Variants in REEP3 observed in about 807,000 individuals in gnomAD.
REEP3 encodes the protein receptor accessory protein 3.
REEP3 carries 20 observed loss-of-function variants against 41.3 expected under a neutral mutation model. That is an observed-to-expected ratio of 0.48 (90% CI 0.34 to 0.70). REEP3 has a LOEUF of 0.70. Ranked by LOEUF, REEP3 falls within the 30% of genes least tolerant of loss-of-function variation. The pLI, the probability that REEP3 is intolerant of heterozygous loss-of-function variation, is 0.01. For synonymous variants in REEP3, 104 were observed against 101.8 expected (o/e 1.02, Z -0.13); for missense variants, 271 against 308.8 (o/e 0.88, Z 0.92).
intron 6 of REEP3, among the ~76,000 whole-genome samples, chr10:63,613,715 A>G (rs1956292823): frequency 6.6e-6 from 1 of 152,216 alleles, no homozygotes; most frequent in African/African-American, 2.4e-5. Flanking sequence ...TTGGTGGAGG[A>G]AAGACAGATT....
chr10:63,601,690 AG>A (rs1956173056), intron 5 of REEP3, among the ~76,000 whole-genome samples: 1 of 152,136 alleles, frequency 6.6e-6, no homozygotes, highest in African/African-American at 2.4e-5. Context: ...AGGCCGAGGT[AG>A]GTGGATCACC....
rs529880478 is a variant in REEP3 at position 63,578,175 on chromosome 10, G to C, written c.105+11765G>C. Among the ~76,000 whole-genome samples, 8 of 152,128 alleles carry C rather than the reference G, an allele frequency of 5.3e-5. No individual in the cohort carries two copies. In the East Asian group the frequency reaches 5.8e-4, roughly 11 times the overall value. ...AGTGCAATGGTGTGATCTCAGCTCA[G>C]TGCAACCTCCACCTCGCAGGTTCAA... On this transcript the variant is annotated intron_variant, in intron 2 of 7. Transcript: ENST00000373758.
intron 2 of REEP3, among the ~76,000 whole-genome samples, chr10:63,575,089 C>T (rs1955887007): frequency 6.6e-6 from 1 of 152,056 alleles, no homozygotes. Context: ...CTCCTGACCT[C>T]ATGATCTGCC....
intron 2 of REEP3, among the ~76,000 whole-genome samples, chr10:63,579,902 C>A (rs1033797298): frequency 1.3e-5 from 2 of 152,202 alleles, no homozygotes; most frequent in Non-Finnish European, 2.9e-5. Flanking sequence ...ACCACCCTCA[C>A]TGCAGGGAGA....
At chr10:63,556,293 T>TG (rs1255282981) in intron 1 of REEP3, among the ~76,000 whole-genome samples, 2 of 151,850 alleles carry the variant, frequency 1.3e-5, no homozygotes, top group East Asian at 3.9e-4. Flanking sequence ...TTTTTTTTTT[T>TG]GTATCTTTAG....
chr10:63,597,678 G>A (rs7895549), intron 3 of REEP3, among the ~76,000 whole-genome samples: 75,534 of 152,010 alleles, frequency 0.5, 18,926 homozygotes, highest in South Asian at 0.54. Flanking sequence ...TTGGGAGGCC[G>A]AGGTGGGCGG....
intron 2 of REEP3, among the ~76,000 whole-genome samples, chr10:63,590,740 C>T (rs571785088): frequency 1.3e-5 from 2 of 152,208 alleles, no homozygotes; most frequent in East Asian, 3.9e-4. Context: ...TTGGGTATAG[C>T]TTTCTCATTA....
At chr10:63,588,817 G>A (rs1394735554) in intron 2 of REEP3, among the ~76,000 whole-genome samples, 1 of 152,212 alleles carries the variant, frequency 6.6e-6, no homozygotes, top group Non-Finnish European at 1.5e-5. Context: ...GTCAGGAAAC[G>A]CCTCTCTGAT....
chr10:63,588,378 C>T (rs183589778), intron 2 of REEP3, among the ~76,000 whole-genome samples: 21 of 152,178 alleles, frequency 1.4e-4, no homozygotes, highest in Admixed American at 8.5e-4. Flanking sequence ...TCCAGTATAA[C>T]GTTAAATCCT....
At chr10:63,613,430 G>A (rs990888780) in intron 6 of REEP3, among the ~76,000 whole-genome samples, 1 of 152,204 alleles carries the variant, frequency 6.6e-6, no homozygotes, top group African/African-American at 2.4e-5. Context: ...TGTGGTAGCA[G>A]TATAAGAAAG....
In REEP3 at chr10:63,566,429, G is replaced by C. The variant is rs1179789012; in HGVS notation, c.105+19G>C. The stretch of plus-strand genomic sequence containing the variant: ...GGAATATGTAAGTATAGTTTTATGA[G>C]TGATTAATCTGAGTTTAATATTTTA... On this transcript the variant is annotated intron_variant, in intron 2 of 7. Transcript: ENST00000373758. The C allele has an allele frequency of 1.5e-6, 2 of 1,309,742 alleles. No individual in the cohort carries two copies. The highest frequency in any genetic ancestry group is 2.1e-5 in the Admixed American group (1 of 47,904). The allele number at this position is 1,309,742 out of a possible 1,614,324, so 81.1% of individuals were successfully genotyped here.
At chr10:63,616,055 G>A (rs1489300539) in intron 6 of REEP3, among the ~76,000 whole-genome samples, 1 of 152,064 alleles carries the variant, frequency 6.6e-6, no homozygotes, top group Non-Finnish European at 1.5e-5. Flanking sequence ...TTACTCTTCT[G>A]CTTAAAACAT....
chr10:63,612,043 T>C (rs1956280996), intron 6 of REEP3, among the ~76,000 whole-genome samples: 1 of 152,162 alleles, frequency 6.6e-6, no homozygotes, highest in African/African-American at 2.4e-5. Context: ...TGATCAAGCA[T>C]TGGCCATTGA....
intron 5 of REEP3, among the ~76,000 whole-genome samples, chr10:63,608,457 A>G (rs1380131869): frequency 2.0e-5 from 3 of 152,212 alleles, no homozygotes; most frequent in Admixed American, 2.0e-4. Flanking sequence ...TGAGTGTAAA[A>G]TATAAGTTAA....
chr10:63,615,216 T>G (rs1956303255), intron 6 of REEP3, among the ~76,000 whole-genome samples: 1 of 152,206 alleles, frequency 6.6e-6, no homozygotes, highest in Non-Finnish European at 1.5e-5. Context: ...CTTTTTCGTT[T>G]GTTGTTGTTG....
intron 1 of REEP3, among the ~76,000 whole-genome samples, chr10:63,543,081 G>A (rs1337176079): frequency 6.6e-6 from 1 of 152,126 alleles, no homozygotes; most frequent in Non-Finnish European, 1.5e-5. Context: ...TGTGACCTCA[G>A]GAGTCTGTGT....
At chr10:63,618,129 A>G (rs1956326282) in intron 6 of REEP3, among the ~76,000 whole-genome samples, 1 of 150,628 alleles carries the variant, frequency 6.6e-6, no homozygotes, top group African/African-American at 2.4e-5. Context: ...CCTGGCTGTA[A>G]GTCCTTCCAC....
chr10:63,591,152 T>G (rs1016017809), intron 2 of REEP3, among the ~76,000 whole-genome samples: 13 of 151,446 alleles, frequency 8.6e-5, no homozygotes, highest in Non-Finnish European at 1.3e-4. Flanking sequence ...GACCTTGACT[T>G]CTTTCTGCTA....
At chr10:63,561,639 C>G (rs936824718) in intron 1 of REEP3, among the ~76,000 whole-genome samples, 5 of 152,230 alleles carry the variant, frequency 3.3e-5, no homozygotes, top group South Asian at 2.1e-4. Context: ...AAAAACTGAT[C>G]TGACAGTGGG....
Sources: allele counts gnomAD v4.1 joint callset (sites outside exome capture counted in the v4.1 genomes callset), GRCh38; gene constraint gnomAD v4.1.1; transcripts MANE v1.5; gene names NCBI Gene and HGNC (gene_info 2026-07-23, HGNC 2026-07-21).